Variants in ST3GAL1 observed in about 807,000 individuals in gnomAD.
ST3GAL1 encodes ST3 beta-galactoside alpha-2,3-sialyltransferase 1, also known as CMP-N-acetylneuraminate-beta-galactosamide-alpha-2,3-sialyltransferase 1.
A neutral mutation model predicts 34.1 loss-of-function variants in ST3GAL1; 16 were observed. That is an observed-to-expected ratio of 0.47 (90% CI 0.32 to 0.71). The LOEUF (loss-of-function observed/expected upper bound fraction) is 0.71. Ranked by LOEUF, ST3GAL1 falls within the 30% of genes least tolerant of loss-of-function variation. The probability of loss-of-function intolerance (pLI) is 0.04; values close to 1 mark genes in which losing one functional copy is unlikely to be tolerated. For missense variants in ST3GAL1, 353 were observed against 447.4 expected (o/e 0.79, Z 1.90); for synonymous variants, 191 against 184.7 (o/e 1.03, Z -0.28).
intron 2 of ST3GAL1, among the ~76,000 whole-genome samples, chr8:133,518,973 G>A (rs543688509): frequency 1.4e-4 from 21 of 152,196 alleles, no homozygotes; most frequent in African/African-American, 3.1e-4. Flanking sequence ...AGGGCAGCCC[G>A]TGGAGGGAAG....
intron 1 of ST3GAL1, among the ~76,000 whole-genome samples, chr8:133,569,039 G>C (rs909796725): frequency 7.2e-5 from 11 of 152,180 alleles, no homozygotes. Context: ...AGAGCTTCGA[G>C]GAACAGACTC....
At chr8:133,535,719 C>T (rs557537668) in intron 2 of ST3GAL1, among the ~76,000 whole-genome samples, 4 of 152,160 alleles carry the variant, frequency 2.6e-5, no homozygotes, top group African/African-American at 9.6e-5. Context: ...GAACTCCTGG[C>T]CTCAAGCAAT....
At chr8:133,499,416 A>T (rs1466179073) in intron 2 of ST3GAL1, 1 of 152,174 alleles carries the variant, frequency 6.6e-6, no homozygotes, top group Non-Finnish European at 1.5e-5. Context: ...TCCTGTCCCA[A>T]ACTGCAAACA....
Position 133,464,812 on chromosome 8 carries a change from C to G in ST3GAL1, c.649G>C (p.Val217Leu), listed in dbSNP as rs1464099703. Residue 217 changes from valine to leucine, a missense_variant, in exon 7 of 10, where the codon GTG (valine) becomes CTG (leucine). Transcript: ENST00000522652. The stretch of plus-strand genomic sequence containing the variant: ...GTGCCCGTGGTGATGGCGCTCACCA[C>G]CCACTCCAAGTCGATGGTCTTGAAG... ...VPFKTIDLEWVVSAITTGTIS... is the reference protein window; with the variant it reads ...VPFKTIDLEWLVSAITTGTIS... 6.2e-7 allele frequency: 1 copy of G among 1,613,702 alleles called. No homozygotes were observed. The highest frequency in any genetic ancestry group is 1.7e-5 in the Admixed American group (1 of 59,998).
In ST3GAL1 at chr8:133,561,055, A is replaced by G. The variant is rs568021417; in HGVS notation, c.-582+10638T>C. On this transcript the variant is annotated intron_variant, in intron 1 of 9. Coordinates refer to ENST00000522652, the MANE Select transcript of ST3GAL1 (RefSeq NM_173344.3). The stretch of plus-strand genomic sequence containing the variant: ...CTCTTAAAGTTTTCTAGAAAATGCA[A>G]TCAACTGAAATTATTTTCTGTGAAG... 9.2e-5 allele frequency among the ~76,000 whole-genome samples: 14 copies of G among 151,820 alleles called. No individual in the cohort carries two copies. The East Asian group carries it at 2.3e-3, about 25-fold the overall frequency.
intron 2 of ST3GAL1, among the ~76,000 whole-genome samples, chr8:133,522,504 A>G (rs1007106437): frequency 2.6e-5 from 4 of 152,152 alleles, no homozygotes; most frequent in Non-Finnish European, 5.9e-5. Context: ...CTGAGGCCAC[A>G]CAGCCTGTGT....
chr8:133,506,277 A>T (rs1327660508), intron 2 of ST3GAL1, among the ~76,000 whole-genome samples: 6 of 151,344 alleles, frequency 4.0e-5, no homozygotes, highest in Non-Finnish European at 8.9e-5. Context: ...CATCTGTAAG[A>T]TGAGAACAAC....
At position 133,461,863 on chromosome 8, in the gene ST3GAL1, AG is replaced by A; in HGVS notation, c.849+11del. On this transcript the variant is annotated intron_variant, in intron 9 of 9. Coordinates refer to ENST00000522652, the MANE Select transcript of ST3GAL1 (RefSeq NM_173344.3). The surrounding 1 kb of genome is among the most constrained non-coding windows in gnomAD (Gnocchi z 4.7). ...TCGAGGCAGCCCTGTGGGCAGGGGG[AG>A]GGTGGCATACCTCATCGCAGACATG... 6.2e-7 allele frequency: 1 copy of A among 1,611,962 alleles called. No individual in the cohort carries two copies. Among genetic ancestry groups the A allele is most frequent in the Non-Finnish European group, 8.5e-7 (1 of 1,178,774 alleles).
chr8:133,562,351 A>ATGAT (rs1819251428), intron 1 of ST3GAL1, among the ~76,000 whole-genome samples: 1 of 152,044 alleles, frequency 6.6e-6, no homozygotes, highest in Middle Eastern at 3.4e-3. Flanking sequence ...CTGGGACTAC[A>ATGAT]GGCACACACC....
At chr8:133,498,864 C>A (rs1247615008) in intron 3 of ST3GAL1, among the ~76,000 whole-genome samples, 2 of 152,162 alleles carry the variant, frequency 1.3e-5, no homozygotes, top group Non-Finnish European at 2.9e-5. Context: ...ACAGTGAGCT[C>A]GATCCTGAAC....
In ST3GAL1 at chr8:133,506,148, G is replaced by C. The variant is rs1399139902; in HGVS notation, c.-428-6959C>G. 2.6e-5 allele frequency among the ~76,000 whole-genome samples: 4 copies of C among 152,302 alleles called. No individual in the cohort carries two copies. The East Asian group carries it at 7.7e-4, about 29-fold the overall frequency. On this transcript the variant is annotated intron_variant, in intron 2 of 9. Transcript: ENST00000522652. ...CAGGAAAGTTCTATTGGAGAGTGCT[G>C]ACCGAGAAGTAGAGAGCACAGGTTC...
At chr8:133,465,056 G>C (rs1586585189) in intron 6 of ST3GAL1, 99 bp from the exon 7 acceptor site, 9 of 1,256,994 alleles carry the variant, frequency 7.2e-6, no homozygotes, top group Non-Finnish European at 9.9e-6. Context: ...GTGACTTCAG[G>C]GGTGTCACCT....
chr8:133,501,739 A>G (rs1817162787), intron 2 of ST3GAL1, among the ~76,000 whole-genome samples: 1 of 128,758 alleles, frequency 7.8e-6, no homozygotes, highest in Non-Finnish European at 1.6e-5. Context: ...ACAAGAGTGA[A>G]ACTCCGTCTC....
rs537909693 is a variant in ST3GAL1 at position 133,524,273 on chromosome 8, T to A, written c.-429+21501A>T. ...GATGAAAATGTGAAACACAAAGGAGTTAAGAACTTGTGCAAGGTCTCCCAG... is the reference window on the plus strand; with the variant it reads ...GATGAAAATGTGAAACACAAAGGAGATAAGAACTTGTGCAAGGTCTCCCAG... On this transcript the variant is annotated intron_variant, in intron 2 of 9. Transcript: ENST00000522652. Among the ~76,000 whole-genome samples the A allele has an allele frequency of 1.9e-4, 29 of 151,996 alleles. No individual in the cohort carries two copies. In the South Asian group the frequency reaches 5.8e-3, roughly 31 times the overall value.
chr8:133,484,806 C>A (rs1351668838), intron 3 of ST3GAL1, among the ~76,000 whole-genome samples: 2 of 152,130 alleles, frequency 1.3e-5, no homozygotes, highest in Non-Finnish European at 2.9e-5. Flanking sequence ...CTGTCCATCC[C>A]CCTGAAGCTA....
chr8:133,501,981 C>T (rs1173189931), intron 2 of ST3GAL1, among the ~76,000 whole-genome samples: 1 of 152,146 alleles, frequency 6.6e-6, no homozygotes, highest in South Asian at 2.1e-4. Flanking sequence ...CAGCCCAGGG[C>T]ACCTCAAACC....
At chr8:133,562,204 C>G (rs1819246557) in intron 1 of ST3GAL1, among the ~76,000 whole-genome samples, 1 of 143,444 alleles carries the variant, frequency 7.0e-6, no homozygotes, top group Admixed American at 7.8e-5. Flanking sequence ...CCTGTGAATC[C>G]ACATCTTTTT....
At chr8:133,522,607 T>G (rs1817845680) in intron 2 of ST3GAL1, among the ~76,000 whole-genome samples, 1 of 152,130 alleles carries the variant, frequency 6.6e-6, no homozygotes, top group Non-Finnish European at 1.5e-5. Flanking sequence ...GCTGAGGCGC[T>G]GGCACAGAAA....
chr8:133,524,689 C>T (rs747072064), intron 2 of ST3GAL1, among the ~76,000 whole-genome samples: 23 of 152,260 alleles, frequency 1.5e-4, no homozygotes, highest in Admixed American at 2.6e-4. Context: ...TGGACAGCTC[C>T]GGGCACTGGC....
Sources: allele counts gnomAD v4.1 joint callset (sites outside exome capture counted in the v4.1 genomes callset), GRCh38; gene constraint gnomAD v4.1.1; non-coding constraint Gnocchi (gnomAD v3.1); transcripts MANE v1.5; gene names NCBI Gene and HGNC (gene_info 2026-07-23, HGNC 2026-07-21).